Variants in VSTM2A observed in about 807,000 individuals in gnomAD.
The protein encoded by VSTM2A is V-set and transmembrane domain containing 2A.
Under a neutral mutation model 27.3 loss-of-function variants are expected in VSTM2A, and 13 were observed. That is an observed-to-expected ratio of 0.48 (90% CI 0.31 to 0.76). The LOEUF (loss-of-function observed/expected upper bound fraction) is 0.76. VSTM2A is among the 30% of genes least tolerant of loss of function. The probability of loss-of-function intolerance (pLI) is 0.05; values close to 1 mark genes in which losing one functional copy is unlikely to be tolerated. For missense variants in VSTM2A, 280 were observed against 310.0 expected (o/e 0.90, Z 0.73); for synonymous variants, 142 against 125.7 (o/e 1.13, Z -0.87).
intron 4 of VSTM2A, among the ~76,000 whole-genome samples, chr7:54,568,031 G>T (rs2115952349): frequency 6.6e-6 from 1 of 152,298 alleles, no homozygotes; most frequent in East Asian, 1.9e-4. Context: ...CTAGGTTTCT[G>T]TGAGGAGATA....
rs1350736485 is a variant in VSTM2A at position 54,550,135 on chromosome 7, T to C, written c.599T>C (p.Val200Ala). ...QRTHSTSSPQ[V>A]VAKIPKQSPQ... ...ACGCACTCCACCTCCAGCCCTCAAGTGGTAGCCAAAATCCCCAAACAAAGT... is the reference window on the plus strand; with the variant it reads ...ACGCACTCCACCTCCAGCCCTCAAGCGGTAGCCAAAATCCCCAAACAAAGT... The change falls in exon 4 of 5, where the codon GTG becomes GCG. Residue 200 changes from valine (V) to alanine (A), a missense_variant. Coordinates refer to ENST00000402613, the MANE Select transcript of VSTM2A (RefSeq NM_001301009.2). 1 of 1,604,448 alleles carries C rather than the reference T, an allele frequency of 6.2e-7. No homozygotes were observed. The highest frequency in any genetic ancestry group is 2.3e-5 in the East Asian group (1 of 44,410).
intron 2 of VSTM2A, 42 bp from the exon 3 acceptor site, chr7:54,546,905 G>C: frequency 6.3e-7 from 1 of 1,593,862 alleles, no homozygotes; most frequent in Non-Finnish European, 8.5e-7. Context: ...GGGTGGTCGG[G>C]CGGGCCTGGC....
At chr7:54,552,846 A>C (rs1324687782) in intron 4 of VSTM2A, among the ~76,000 whole-genome samples, 1 of 152,208 alleles carries the variant, frequency 6.6e-6, no homozygotes, top group Non-Finnish European at 1.5e-5. Flanking sequence ...TATATGGGAC[A>C]CTGTCATCTC....
chr7:54,568,867 G>A, intron 4 of VSTM2A: 2 of 823,864 alleles, frequency 2.4e-6, no homozygotes, highest in Non-Finnish European at 3.7e-6. Flanking sequence ...GTTGTTGTTT[G>A]CAGTGCATGC....
At chr7:54,562,701 A>G (rs1466904301) in intron 4 of VSTM2A, among the ~76,000 whole-genome samples, 2 of 152,214 alleles carry the variant, frequency 1.3e-5, no homozygotes, top group Non-Finnish European at 2.9e-5. Flanking sequence ...AAAGGACACC[A>G]GTGCACATGG....
chr7:54,567,376 T>A (rs1440246603), intron 4 of VSTM2A, among the ~76,000 whole-genome samples: 3 of 152,240 alleles, frequency 2.0e-5, no homozygotes. Context: ...TAATTGGGTT[T>A]CTTTTTAGTT....
chr7:54,553,569 A>G (rs140482463), intron 4 of VSTM2A, among the ~76,000 whole-genome samples: 1 of 152,322 alleles, frequency 6.6e-6, no homozygotes, highest in Non-Finnish European at 1.5e-5. Context: ...AATGTTCTAT[A>G]GATGTTCTGA....
rs1788130173 is a variant in VSTM2A at position 54,549,992 on chromosome 7, C to T, written c.456C>T (p.Ser152=). Residue 152 remains serine (S), a synonymous_variant, in exon 4 of 5, where the codon AGC becomes AGT. Transcript: ENST00000402613. ...AQAYLKVNAN[S]HARRMQAFEA... Reference sequence around the variant, plus strand: ...CCTATCTGAAAGTCAATGCCAACAGCCATGCCCGCAGAATGCAGGCCTTCG... The same window carrying T: ...CCTATCTGAAAGTCAATGCCAACAGTCATGCCCGCAGAATGCAGGCCTTCG... 2 of 1,613,030 alleles carry T rather than the reference C, an allele frequency of 1.2e-6. No individual in the cohort carries two copies. The highest frequency in any genetic ancestry group is 2.2e-5 in the East Asian group (1 of 44,872).
Position 54,557,481 on chromosome 7 carries a change from G to A in VSTM2A, c.634+7311G>A, listed in dbSNP as rs560146724. On this transcript the variant is annotated intron_variant, in intron 4 of 4. Coordinates refer to ENST00000402613, the MANE Select transcript of VSTM2A (RefSeq NM_001301009.2). ...CCTGAGTAGCTTGGATTACAGGTGC[G>A]CACCACCACGCCCGGCTAATTTTTG... Among the ~76,000 whole-genome samples the A allele has an allele frequency of 9.9e-5, 15 of 151,914 alleles. No homozygotes were observed. In the East Asian group the frequency reaches 1.6e-3, roughly 16 times the overall value.
At chr7:54,561,029 T>A (rs1296755767) in intron 4 of VSTM2A, among the ~76,000 whole-genome samples, 5 of 152,194 alleles carry the variant, frequency 3.3e-5, no homozygotes, top group African/African-American at 1.2e-4. Flanking sequence ...CAAATCCATA[T>A]GCTATGAAGG....
At chr7:54,563,868 T>G (rs1006357684) in intron 4 of VSTM2A, among the ~76,000 whole-genome samples, 1 of 152,210 alleles carries the variant, frequency 6.6e-6, no homozygotes, top group Non-Finnish European at 1.5e-5. Flanking sequence ...AACAGATTTC[T>G]AGAAGAAATT....
At chr7:54,555,579 T>C (rs1788329368) in intron 4 of VSTM2A, among the ~76,000 whole-genome samples, 1 of 152,238 alleles carries the variant, frequency 6.6e-6, no homozygotes, top group Non-Finnish European at 1.5e-5. Flanking sequence ...GCAATTTGTT[T>C]ATACTTACTT....
intron 4 of VSTM2A, among the ~76,000 whole-genome samples, chr7:54,566,413 A>T (rs1295800181): frequency 6.6e-6 from 1 of 152,222 alleles, no homozygotes; most frequent in Non-Finnish European, 1.5e-5. Context: ...GTGAGGTGAG[A>T]TACAAATATG....
At chr7:54,561,664 C>T (rs1356916567) in intron 4 of VSTM2A, among the ~76,000 whole-genome samples, 1 of 152,052 alleles carries the variant, frequency 6.6e-6, no homozygotes, top group African/African-American at 2.4e-5. Context: ...ATAACTTCTA[C>T]TAATGAAGAT....
chr7:54,553,929 TTCTC>T lies in VSTM2A; in HGVS notation c.634+3763_634+3766del, dbSNP rs1300989649. ...ACCACCTCTACTAGTCCTTCCTTTCTTCTCTCTGTCTTCACTTTTTTCTACTGAC... is the reference window on the plus strand; with the variant it reads ...ACCACCTCTACTAGTCCTTCCTTTCTTCTGTCTTCACTTTTTTCTACTGAC... On this transcript the variant is annotated intron_variant, in intron 4 of 4. Coordinates refer to ENST00000402613, the MANE Select transcript of VSTM2A (RefSeq NM_001301009.2). 3 of 1,551,348 alleles carry T rather than the reference TTCTC, an allele frequency of 1.9e-6. No individual in the cohort carries two copies. In the African/African-American group the frequency reaches 4.1e-5, roughly 21 times the overall value.
At chr7:54,562,711 G>A (rs1187364141) in intron 4 of VSTM2A, among the ~76,000 whole-genome samples, 1 of 152,146 alleles carries the variant, frequency 6.6e-6, no homozygotes, top group Admixed American at 6.6e-5. Context: ...AGTGCACATG[G>A]ATGCCATTTG....
chr7:54,544,477 G>A, intron 1 of VSTM2A, 145 bp from the exon 2 acceptor site: 1 of 964,364 alleles, frequency 1.0e-6, no homozygotes, highest in Non-Finnish European at 1.6e-6. Flanking sequence ...AAGGAAGGGG[G>A]CTGGGGGAAC....
intron 4 of VSTM2A, chr7:54,551,524 T>A (rs1339553719): frequency 6.6e-6 from 1 of 152,144 alleles, no homozygotes; most frequent in African/African-American, 2.4e-5. Context: ...TTTGTCTAAT[T>A]TTTTTCTTTA....
At chr7:54,558,264 A>T (rs17671790) in intron 4 of VSTM2A, 1 of 152,262 alleles carries the variant, frequency 6.6e-6, no homozygotes, top group Admixed American at 6.5e-5. Flanking sequence ...AGAATATTAT[A>T]TAAAGCCTTA....
Sources: gnomAD v4.1 joint callset for allele counts (sites outside exome capture counted in the v4.1 genomes callset) on GRCh38, gnomAD v4.1.1 for gene constraint, MANE v1.5 for transcripts, NCBI Gene and HGNC (gene_info 2026-07-23, HGNC 2026-07-21) for gene names.